The following ERBB4 variants were observed in gnomAD, a reference collection of about 807,000 sequenced individuals.
ERBB4 encodes receptor tyrosine-protein kinase erbB-4.
Under a neutral mutation model 158.0 loss-of-function variants are expected in ERBB4, and 42 were observed. The ratio of observed to expected loss-of-function variants is 0.27; its 90% CI spans 0.21 to 0.34. The LOEUF is 0.34. Ranked by LOEUF, ERBB4 falls within the 10% of genes least tolerant of loss-of-function variation. The pLI is 1.00. For missense variants in ERBB4, 1,333 were observed against 1,624.1 expected (o/e 0.82, Z 3.08); for synonymous variants, 583 against 558.7 (o/e 1.04, Z -0.61).
intron 20 of ERBB4, among the ~76,000 whole-genome samples, chr2:211,556,000 T>C (rs1044750176): frequency 2.0e-5 from 3 of 152,172 alleles, no homozygotes; most frequent in Non-Finnish European, 4.4e-5. Context: ...ATGGGCTAAA[T>C]GCCCCAATTA....
chr2:211,890,059 A>G (rs1319464069), intron 3 of ERBB4, among the ~76,000 whole-genome samples: 1 of 94,022 alleles, frequency 1.1e-5, no homozygotes, highest in African/African-American at 4.7e-5. Context: ...AGAGAATGCC[A>G]CAAAGATACT....
intron 1 of ERBB4, among the ~76,000 whole-genome samples, chr2:212,431,179 G>A (rs1376905629): frequency 6.6e-6 from 1 of 151,468 alleles, no homozygotes; most frequent in Non-Finnish European, 1.5e-5. Context: ...ATGGCAGGTG[G>A]CATAATAAGC....
intron 20 of ERBB4, among the ~76,000 whole-genome samples, chr2:211,484,246 A>G (rs2065150871): frequency 6.6e-6 from 1 of 152,212 alleles, no homozygotes; most frequent in Non-Finnish European, 1.5e-5. Flanking sequence ...AAGGAATCAA[A>G]GTACACATAG....
intron 1 of ERBB4, among the ~76,000 whole-genome samples, chr2:212,302,424 G>C (rs2086656036): frequency 6.6e-6 from 1 of 151,496 alleles, no homozygotes; most frequent in South Asian, 2.1e-4. Flanking sequence ...GCAGTGTTCA[G>C]TATAACAGAA....
At chr2:212,534,420 A>G (rs1313226670) in intron 1 of ERBB4, among the ~76,000 whole-genome samples, 1 of 152,200 alleles carries the variant, frequency 6.6e-6, no homozygotes, top group Admixed American at 6.5e-5. Context: ...CTCTGTGGAA[A>G]GGTTTGGCCT....
At chr2:211,501,082 T>G (rs774015248) in intron 20 of ERBB4, among the ~76,000 whole-genome samples, 1 of 150,878 alleles carries the variant, frequency 6.6e-6, no homozygotes, top group Non-Finnish European at 1.5e-5. Context: ...AGAGGCTGAC[T>G]ATAAAAATAA....
intron 20 of ERBB4, among the ~76,000 whole-genome samples, chr2:211,527,042 A>G (rs1326679088): frequency 6.6e-6 from 1 of 152,144 alleles, no homozygotes; most frequent in East Asian, 1.9e-4. Context: ...TAAACAAATA[A>G]TAAGAGAACT....
At chr2:212,069,466 G>A (rs112327989) in intron 2 of ERBB4, among the ~76,000 whole-genome samples, 14 of 152,132 alleles carry the variant, frequency 9.2e-5, no homozygotes, top group African/African-American at 3.1e-4. Context: ...CATACTTAAT[G>A]ATGAAAGACT....
intron 1 of ERBB4, among the ~76,000 whole-genome samples, chr2:212,225,368 T>C (rs1337712358): frequency 6.6e-6 from 1 of 152,088 alleles, no homozygotes; most frequent in Non-Finnish European, 1.5e-5. Context: ...AGATAATTTC[T>C]TCATTGCTAC....
At chr2:211,619,313 A>C in intron 18 of ERBB4, 38 bp from the exon 19 acceptor site, 1 of 1,142,516 alleles carries the variant, frequency 8.8e-7, no homozygotes, top group Non-Finnish European at 1.3e-6. Context: ...ATGACATCTC[A>C]ACCTATTAAG....
chr2:212,112,617 C>G (rs1211307078), intron 2 of ERBB4, among the ~76,000 whole-genome samples: 2 of 152,066 alleles, frequency 1.3e-5, no homozygotes, highest in Non-Finnish European at 2.9e-5. Context: ...TGCCCATTAG[C>G]TCTGTGGTCC....
chr2:212,080,676 T>TA (rs5838296), intron 2 of ERBB4, among the ~76,000 whole-genome samples: 4,179 of 139,306 alleles, frequency 0.03, 86 homozygotes, highest in Middle Eastern at 0.052. Context: ...GTATAAATAG[T>TA]AAAAAAAAAA....
At chr2:212,173,114 A>C (rs1462608702) in intron 1 of ERBB4, among the ~76,000 whole-genome samples, 2 of 152,172 alleles carry the variant, frequency 1.3e-5, no homozygotes, top group Non-Finnish European at 2.9e-5. Flanking sequence ...TTAATTTCTT[A>C]AAAAACTTAA....
intron 25 of ERBB4, among the ~76,000 whole-genome samples, chr2:211,405,390 A>T (rs756638775): frequency 6.6e-6 from 1 of 152,132 alleles, no homozygotes; most frequent in African/African-American, 2.4e-5. Flanking sequence ...CTTAAATTTT[A>T]TCATGCCAAA....
At chr2:212,159,550 CAT>C (rs1290880516) in intron 1 of ERBB4, among the ~76,000 whole-genome samples, 1 of 151,866 alleles carries the variant, frequency 6.6e-6, no homozygotes, top group Non-Finnish European at 1.5e-5. Context: ...GCCTGGGTTG[CAT>C]AATGTGGACC....
At chr2:212,352,898 A>C (rs1020029808) in intron 1 of ERBB4, among the ~76,000 whole-genome samples, 1 of 152,096 alleles carries the variant, frequency 6.6e-6, no homozygotes, top group Non-Finnish European at 1.5e-5. Flanking sequence ...AAATAAAGAA[A>C]TAAATTGAAT....
rs1240504646 is a variant in ERBB4, at chr2:212,389,930, T to TA, written c.82+148518dup. ...TAACTCAAACCCAGGTCTGTCTTAT[T>TA]AAAAAAAAAAACTCTGCTCTAGACT... On this transcript the variant is annotated intron_variant, in intron 1 of 27. Transcript: ENST00000342788. Among the ~76,000 whole-genome samples the TA allele has an allele frequency of 8.3e-3, 1,208 of 145,180 alleles. 7 individuals are homozygous for TA. Among genetic ancestry groups the TA allele is most frequent in the Middle Eastern group, 0.014 (4 of 278 alleles).
intron 17 of ERBB4, among the ~76,000 whole-genome samples, chr2:211,626,678 A>G (rs1348844528): frequency 2.0e-5 from 3 of 152,098 alleles, no homozygotes; most frequent in African/African-American, 7.2e-5. Context: ...TAATTCCAGC[A>G]CTTTGGGAGG....
chr2:211,763,054 G>GTGGT (rs1553627438), intron 4 of ERBB4, among the ~76,000 whole-genome samples: 11 of 151,412 alleles, frequency 7.3e-5, no homozygotes, highest in African/African-American at 2.7e-4. Context: ...GTGTGTGTGT[G>GTGGT]GTGTGTGTGT....
Sources: gnomAD v4.1 joint callset for allele counts (sites outside exome capture counted in the v4.1 genomes callset) on GRCh38, gnomAD v4.1.1 for gene constraint, MANE v1.5 for transcripts, NCBI Gene and HGNC (gene_info 2026-07-23, HGNC 2026-07-21) for gene names.